SLC2A9: variants seen among roughly 807,000 people sequenced by gnomAD.
The protein encoded by SLC2A9 is solute carrier family 2 member 9.
A neutral mutation model predicts 50.6 loss-of-function variants in SLC2A9; 39 were observed. The observed-to-expected ratio is 0.77, with a 90% CI of 0.60 to 1.01. The LOEUF (loss-of-function observed/expected upper bound fraction) is 1.01, where lower values mean the gene tolerates loss of function less well. Among genes scored for constraint, SLC2A9 ranks in the 50% least tolerant of loss-of-function variants. SLC2A9 has a pLI of 0.00. For missense variants in SLC2A9, 686 were observed against 677.6 expected (o/e 1.01, Z -0.14); for synonymous variants, 324 against 276.9 (o/e 1.17, Z -1.69).
chr4:9,773,856 A>G (rs1474755070), intron 1 of SLC2A9, among the ~76,000 whole-genome samples: 1 of 152,190 alleles, frequency 6.6e-6, no homozygotes, highest in Admixed American at 6.5e-5. Context: ...CCACCAGACA[A>G]GCAGCTCATG....
At chr4:9,865,162 C>G (rs1732249405) in intron 10 of SLC2A9, among the ~76,000 whole-genome samples, 1 of 152,202 alleles carries the variant, frequency 6.6e-6, no homozygotes, top group Admixed American at 6.5e-5. Flanking sequence ...TGATTTTGCC[C>G]CCAGGGAACA....
chr4:9,989,978 T>C (rs1757404978), intron 3 of SLC2A9, among the ~76,000 whole-genome samples: 1 of 151,958 alleles, frequency 6.6e-6, no homozygotes, highest in Admixed American at 6.6e-5. Context: ...CTGAACAAAG[T>C]GGTGAGCTCT....
At chr4:9,818,850 C>T (rs760050289) in intron 3 of SLC2A9, among the ~76,000 whole-genome samples, 10 of 152,118 alleles carry the variant, frequency 6.6e-5, no homozygotes, top group East Asian at 3.9e-4. Flanking sequence ...GGGCTGGGTG[C>T]GGTGGCTCAT....
chr4:9,933,953 A>T (rs1444508505), intron 6 of SLC2A9, among the ~76,000 whole-genome samples: 1 of 152,106 alleles, frequency 6.6e-6, no homozygotes, highest in Non-Finnish European at 1.5e-5. Flanking sequence ...CACTTATAAG[A>T]ACCCTTGTGA....
intron 5 of SLC2A9, among the ~76,000 whole-genome samples, chr4:9,954,870 A>G (rs900891270): frequency 5.1e-5 from 6 of 117,452 alleles, no homozygotes; most frequent in African/African-American, 1.6e-4. Context: ...GCTGGCAATT[A>G]TTGGGAAAGG....
downstream of SLC2A9, among the ~76,000 whole-genome samples, chr4:9,823,120 C>A (rs140076186): frequency 2.0e-5 from 3 of 152,206 alleles, no homozygotes; most frequent in African/African-American, 4.8e-5. Flanking sequence ...GCTTACTTAG[C>A]CAGAACTAGC....
chr4:10,032,359 G>A (rs1377484175), intron 1 of SLC2A9, among the ~76,000 whole-genome samples: 2 of 152,158 alleles, frequency 1.3e-5, no homozygotes, highest in Non-Finnish European at 2.9e-5. Context: ...TTGTGTGTGA[G>A]GGTTTCAGGG....
intron 6 of SLC2A9, among the ~76,000 whole-genome samples, chr4:9,927,465 A>G (rs1014313312): frequency 6.6e-6 from 1 of 152,260 alleles, no homozygotes; most frequent in South Asian, 2.1e-4. Flanking sequence ...CTGGGATGAG[A>G]CAGGCAAAGG....
At chr4:9,833,143 G>T (rs1726450749) in intron 11 of SLC2A9, among the ~76,000 whole-genome samples, 1 of 152,200 alleles carries the variant, frequency 6.6e-6, no homozygotes, top group South Asian at 2.1e-4. Flanking sequence ...GCCACTTAAG[G>T]TTTAAAGTCA....
chr4:10,013,997 C>A (rs961133691), intron 2 of SLC2A9, among the ~76,000 whole-genome samples: 1 of 152,196 alleles, frequency 6.6e-6, no homozygotes, highest in Admixed American at 6.5e-5. Flanking sequence ...TCCAAAGCAG[C>A]ACTAATATCT....
intron 3 of SLC2A9, among the ~76,000 whole-genome samples, chr4:9,788,894 A>G (rs942008010): frequency 3.9e-5 from 6 of 152,126 alleles, no homozygotes; most frequent in African/African-American, 1.4e-4. Flanking sequence ...TTCCAAGGAG[A>G]CCAGGGTTCC....
chr4:9,999,394 G>A (rs930525872), intron 2 of SLC2A9, among the ~76,000 whole-genome samples: 4 of 152,080 alleles, frequency 2.6e-5, no homozygotes, highest in African/African-American at 9.7e-5. Flanking sequence ...GTGTGTGTGT[G>A]TGTGTACGGG....
At chr4:9,797,199 A>C (rs1255099231), downstream of SLC2A9, among the ~76,000 whole-genome samples, 3 of 152,186 alleles carry the variant, frequency 2.0e-5, no homozygotes, top group Admixed American at 2.0e-4. Flanking sequence ...TGCAAGGACA[A>C]AGGTGGCCCC....
intron 4 of SLC2A9, among the ~76,000 whole-genome samples, chr4:9,981,723 G>GT (rs979479042): frequency 6.6e-6 from 1 of 152,088 alleles, no homozygotes; most frequent in Admixed American, 6.6e-5. Context: ...AAATATAATA[G>GT]TTTTTTTCTC....
chr4:9,850,242 A>AC lies in SLC2A9; in HGVS notation c.1292-15235dup, dbSNP rs1354060888. On this transcript the variant is annotated intron_variant, in intron 10 of 11. Transcript: ENST00000264784. ...ACCTCCAGAATCCTAGCAGCAGGATACCCCACAACCCCCACAGACACTTGA... is the reference window on the plus strand; with the variant it reads ...ACCTCCAGAATCCTAGCAGCAGGATACCCCCACAACCCCCACAGACACTTGA... 4.6e-5 allele frequency among the ~76,000 whole-genome samples: 7 copies of AC among 152,116 alleles called. No homozygotes were observed. The East Asian group carries it at 9.6e-4, about 21-fold the overall frequency.
intron 10 of SLC2A9, among the ~76,000 whole-genome samples, chr4:9,842,308 T>G (rs913007302): frequency 2.6e-5 from 4 of 152,206 alleles, no homozygotes; most frequent in African/African-American, 9.6e-5. Flanking sequence ...GAAAATCATA[T>G]GCTTCAAAAT....
chr4:9,889,074 A>C (rs1736831821), intron 9 of SLC2A9, among the ~76,000 whole-genome samples: 1 of 152,186 alleles, frequency 6.6e-6, no homozygotes, highest in South Asian at 2.1e-4. Context: ...GTGAAAGTCA[A>C]TGGTATGTGA....
rs137945596 is a variant in SLC2A9, at chr4:9,782,660, G to A, written n.386-2595C>T. On this transcript the variant is annotated intron_variant and non_coding_transcript_variant, in intron 3 of 3. Coordinates refer to the SLC2A9 transcript ENST00000503803. The stretch of plus-strand genomic sequence containing the variant: ...CTGGGAGGAGGACTTTTGGGAGCCC[G>A]ACGTGAATGCAGAGAACTGTGACTC... The A allele has an allele frequency of 3.1e-4, 495 of 1,614,004 alleles. No homozygotes were observed. The African/African-American group carries it at 5.7e-3, about 19-fold the overall frequency.
chr4:9,826,105 G>A (rs1725084768), downstream of SLC2A9: 1 of 388,212 alleles, frequency 2.6e-6, no homozygotes, highest in Admixed American at 4.1e-5. Flanking sequence ...TCATGAAGAA[G>A]GCAGGTCATC....
Sources: allele counts gnomAD v4.1 joint callset (sites outside exome capture counted in the v4.1 genomes callset), GRCh38; gene constraint gnomAD v4.1.1; transcripts MANE v1.5; gene names NCBI Gene and HGNC (gene_info 2026-07-23, HGNC 2026-07-21).